Variants in ZSCAN22 observed in about 807,000 individuals in gnomAD.
The protein encoded by ZSCAN22 is zinc finger and SCAN domain-containing protein 22.
ZSCAN22 carries 7 observed loss-of-function variants against 12.4 expected under a neutral mutation model. The observed-to-expected ratio is 0.57, with a 90% CI of 0.32 to 1.06. The LOEUF (loss-of-function observed/expected upper bound fraction) is 1.06, where lower values mean the gene tolerates loss of function less well. ZSCAN22 is among the 50% of genes least tolerant of loss of function. ZSCAN22 has a pLI of 0.04. For missense variants in ZSCAN22, 576 were observed against 631.7 expected, an observed-to-expected ratio of 0.91 and a Z score of 0.94; for synonymous variants, 243 against 255.9, an observed-to-expected ratio of 0.95 and a Z score of 0.48.
chr19:58,337,106 C>T (rs2051807159), intron 2 of ZSCAN22, among the ~76,000 whole-genome samples: 2 of 152,230 alleles, frequency 1.3e-5, no homozygotes, highest in Non-Finnish European at 2.9e-5. Flanking sequence ...CCACACTCTG[C>T]CTTCATAGTA....
chr19:58,334,665 G>T, intron 1 of ZSCAN22, 87 bp from the exon 2 acceptor site: 5 of 978,738 alleles, frequency 5.1e-6, no homozygotes, highest in Non-Finnish European at 7.3e-6. Context: ...CACATCTCAC[G>T]GGCCACAAGC....
Position 58,338,861 on chromosome 19 carries a change from C to T in ZSCAN22, c.1011C>T (p.Thr337=). ...KECGKAFSRV[T]HLTQHQRIHT... is the part of the protein sequence containing the mutation. ...GTGGGAAGGCCTTCAGCCGAGTCAC[C>T]CACCTGACTCAGCACCAAAGGATTC... Residue 337 remains threonine (T), a synonymous_variant, in exon 3 of 3, where the codon ACC becomes ACT. Coordinates refer to ENST00000329665, the MANE Select transcript of ZSCAN22 (RefSeq NM_181846.3). The surrounding 1 kb of genome is among the most constrained non-coding windows in gnomAD (Gnocchi z 5.4). 1 of 1,613,260 alleles carries T rather than the reference C, an allele frequency of 6.2e-7. No homozygotes were observed. Among genetic ancestry groups the T allele is most frequent in the Non-Finnish European group, 8.5e-7 (1 of 1,179,730 alleles).
At position 58,339,314 on chromosome 19, in the gene ZSCAN22, G is replaced by C. The variant is rs761038947; in HGVS notation, c.1464G>C (p.Thr488=). 2 of 1,601,574 alleles carry C rather than the reference G, an allele frequency of 1.2e-6. No homozygotes were observed. Among genetic ancestry groups the C allele is most frequent in the Non-Finnish European group, 1.7e-6 (2 of 1,171,840 alleles). Residue 488 remains threonine, a synonymous_variant, in exon 3 of 3, where the codon ACG becomes ACC. Transcript: ENST00000329665. The surrounding 1 kb of genome is among the most constrained non-coding windows in gnomAD (Gnocchi z 5.6). ...TGGTTCACTTGCGGATCCACATCAC[G>C]GTGCTGCAATGACCGGAAGTCGCCC... ...ALMVHLRIHI[T]VLQ is the part of the protein sequence containing the mutation.
intron 2 of ZSCAN22, among the ~76,000 whole-genome samples, chr19:58,336,313 G>A (rs773240337): frequency 6.6e-6 from 1 of 152,090 alleles, no homozygotes; most frequent in African/African-American, 2.4e-5. Context: ...GGAGAAACAG[G>A]CCTCTCTGGA....
chr19:58,328,837 T>C (rs1568540416), intron 1 of ZSCAN22, among the ~76,000 whole-genome samples: 1 of 152,184 alleles, frequency 6.6e-6, no homozygotes, highest in Non-Finnish European at 1.5e-5. Flanking sequence ...TGGGTAACCA[T>C]GCTCAGCCTT....
chr19:58,330,467 G>A (rs1417610087), intron 1 of ZSCAN22, among the ~76,000 whole-genome samples: 1 of 152,124 alleles, frequency 6.6e-6, no homozygotes, highest in Non-Finnish European at 1.5e-5. Context: ...TATTCTAATT[G>A]ATTGCCCTCA....
chr19:58,339,162 T>C lies in ZSCAN22; in HGVS notation c.1312T>C (p.Cys438Arg). 1 of 1,614,072 alleles carries C rather than the reference T, an allele frequency of 6.2e-7. No individual in the cohort carries two copies. The highest frequency in any genetic ancestry group is 8.5e-7 in the Non-Finnish European group (1 of 1,180,012). ...RIHSGEKPYQCKVCPKAFAQS... is the reference protein window; with the variant it reads ...RIHSGEKPYQRKVCPKAFAQS... ...CCACTCTGGAGAGAAGCCATATCAG[T>C]GTAAGGTTTGTCCGAAGGCCTTTGC... The change falls in exon 3 of 3, where the codon TGT becomes CGT. Residue 438 changes from cysteine to arginine, a missense_variant. By Grantham distance (180) the Cys-to-Arg change is radical (BLOSUM62 -3). Coordinates refer to ENST00000329665, the MANE Select transcript of ZSCAN22 (RefSeq NM_181846.3). This position sits in a 1 kb window ranked among gnomAD's most constrained non-coding sequence, Gnocchi z 5.6.
intron 1 of ZSCAN22, among the ~76,000 whole-genome samples, chr19:58,328,390 G>T (rs914529095): frequency 3.3e-5 from 5 of 152,228 alleles, no homozygotes; most frequent in African/African-American, 1.2e-4. Context: ...TGGTCATTCA[G>T]CTGGGCTTAT....
At position 58,339,480 on chromosome 19, in the gene ZSCAN22, A is replaced by G. The variant is rs2051846036; in HGVS notation, c.*154A>G. 4.3e-6 allele frequency: 3 copies of G among 701,800 alleles called. No homozygotes were observed. Among genetic ancestry groups the G allele is most frequent in the Non-Finnish European group, 6.9e-6 (3 of 432,034 alleles). 43.5% of individuals were successfully genotyped at this position (701,800 alleles called of 1,614,324 possible). On this transcript the variant is annotated 3_prime_UTR_variant, in exon 3 of 3. Transcript: ENST00000329665. This position sits in a 1 kb window ranked among gnomAD's most constrained non-coding sequence, Gnocchi z 5.6. Reference sequence around the variant, plus strand: ...GAGGGCAGACTCGGGCTGTCTAGGAACCACTCTGCATTTGAGGAACCCTGA... The same window carrying G: ...GAGGGCAGACTCGGGCTGTCTAGGAGCCACTCTGCATTTGAGGAACCCTGA...
intron 1 of ZSCAN22, among the ~76,000 whole-genome samples, chr19:58,330,041 CA>C (rs2051703949): frequency 6.6e-6 from 1 of 152,184 alleles, no homozygotes; most frequent in Admixed American, 6.5e-5. Flanking sequence ...GTAATCCCAG[CA>C]ATTTGGGAGG....
intron 1 of ZSCAN22, among the ~76,000 whole-genome samples, chr19:58,328,877 C>T (rs1002911623): frequency 2.6e-5 from 4 of 152,156 alleles, no homozygotes; most frequent in Non-Finnish European, 5.9e-5. Flanking sequence ...TTAATGCCTG[C>T]TTATTGTGAA....
rs2051846749 is a variant in ZSCAN22, at chr19:58,339,545, G to C, written c.*219G>C. The C allele has an allele frequency of 1.8e-6, 1 of 550,894 alleles. No homozygotes were observed. The highest frequency in any genetic ancestry group is 3.2e-6 in the Non-Finnish European group (1 of 311,116). 34.1% of individuals were successfully genotyped at this position (550,894 alleles called of 1,614,324 possible). On this transcript the variant is annotated 3_prime_UTR_variant, in exon 3 of 3. Coordinates refer to ENST00000329665, the MANE Select transcript of ZSCAN22 (RefSeq NM_181846.3). The surrounding 1 kb of genome is among the most constrained non-coding windows in gnomAD (Gnocchi z 5.6). ...TTCAGGCCAGCTGGAGAAGCTTCCA[G>C]AAGGGCCCTGCACTGCTACCCTCTA...
intron 1 of ZSCAN22, among the ~76,000 whole-genome samples, chr19:58,332,023 A>G (rs1011479382): frequency 6.6e-6 from 1 of 151,426 alleles, no homozygotes; most frequent in Non-Finnish European, 1.5e-5. Flanking sequence ...ACAGGCATGC[A>G]CCACCACGCC....
rs531402837 is a variant in ZSCAN22, at chr19:58,338,576, T to G, written c.726T>G (p.Pro242=). The G allele has an allele frequency of 3.1e-6, 5 of 1,614,210 alleles. No individual in the cohort carries two copies. In the Admixed American group the frequency reaches 8.3e-5, roughly 27 times the overall value. The change falls in exon 3 of 3, where the codon CCT becomes CCG. Residue 242 remains proline, a synonymous_variant. Coordinates refer to ENST00000329665, the MANE Select transcript of ZSCAN22 (RefSeq NM_181846.3). This position sits in a 1 kb window ranked among gnomAD's most constrained non-coding sequence, Gnocchi z 5.4. The part of the protein sequence containing the change: ...AWPNLTSQEK[P]PSEDKFDLVD... ...CAAACCTCACCTCCCAAGAGAAGCCTCCTTCAGAAGACAAATTTGATCTGG... is the reference window on the plus strand; with the variant it reads ...CAAACCTCACCTCCCAAGAGAAGCCGCCTTCAGAAGACAAATTTGATCTGG...
rs1268819933 is a variant in ZSCAN22, at chr19:58,330,000, T to TACATGCGGCCAGG, written c.-52+2887_-52+2899dup. Among the ~76,000 whole-genome samples, 9 of 152,306 alleles carry TACATGCGGCCAGG rather than the reference T, an allele frequency of 5.9e-5. No homozygotes were observed. The highest frequency in any genetic ancestry group is 5.2e-4 in the Admixed American group (8 of 15,290). ...GTTTCTTAAAAAGTTAAGCATTGCC[T>TACATGCGGCCAGG]ACATGCGGCCAGGCGCAGTGGCTCA... On this transcript the variant is annotated intron_variant, in intron 1 of 2. Coordinates refer to ENST00000329665, the MANE Select transcript of ZSCAN22 (RefSeq NM_181846.3). This position sits in a 1 kb window ranked among gnomAD's most constrained non-coding sequence, Gnocchi z 4.1.
At chr19:58,331,563 A>ATTATTT (rs2051727046) in intron 1 of ZSCAN22, among the ~76,000 whole-genome samples, 1 of 126,062 alleles carries the variant, frequency 7.9e-6, no homozygotes, top group Non-Finnish European at 1.6e-5. Context: ...TATTATTATT[A>ATTATTT]TTTTGAGATG....
rs1283771814 is a variant in ZSCAN22, at chr19:58,335,627, G to A, written c.403+422G>A. On this transcript the variant is annotated intron_variant, in intron 2 of 2. Transcript: ENST00000329665. This position sits in a 1 kb window ranked among gnomAD's most constrained non-coding sequence, Gnocchi z 4.1. ...GGGGTAATAACAATAAGAGGTCCCT[G>A]GTCTGAGCCCCCACTGGCCTGGTTG... Among the ~76,000 whole-genome samples the A allele has an allele frequency of 6.6e-6, 1 of 152,208 alleles. No individual in the cohort carries two copies. The highest frequency in any genetic ancestry group is 2.4e-5 in the African/African-American group (1 of 41,432).
rs1213220624 is a variant in ZSCAN22, at chr19:58,329,085, C to T, written c.-52+1971C>T. On this transcript the variant is annotated intron_variant, in intron 1 of 2. Coordinates refer to ENST00000329665, the MANE Select transcript of ZSCAN22 (RefSeq NM_181846.3). This position sits in a 1 kb window ranked among gnomAD's most constrained non-coding sequence, Gnocchi z 4.1. ...AGAGCCCAGAGGAATCCGTCAGAGA[C>T]GGATTTCAGAACTCGAGAGCAGCAG... 1.3e-5 allele frequency among the ~76,000 whole-genome samples: 2 copies of T among 152,060 alleles called. No homozygotes were observed. The highest frequency in any genetic ancestry group is 2.9e-5 in the Non-Finnish European group (2 of 68,002).
At position 58,329,891 on chromosome 19, in the gene ZSCAN22, G is replaced by C. The variant is rs1033193748; in HGVS notation, c.-52+2777G>C. Among the ~76,000 whole-genome samples, 6 of 152,282 alleles carry C rather than the reference G, an allele frequency of 3.9e-5. No individual in the cohort carries two copies. The East Asian group carries it at 1.2e-3, about 29-fold the overall frequency. On this transcript the variant is annotated intron_variant, in intron 1 of 2. Transcript: ENST00000329665. The surrounding 1 kb of genome is among the most constrained non-coding windows in gnomAD (Gnocchi z 4.1). ...AACTACCATAGTATAAAATACCTTG[G>C]TAAGGATGTAGAGAAATTGGAACCC...
Sources: allele counts gnomAD v4.1 joint callset (sites outside exome capture counted in the v4.1 genomes callset), GRCh38; gene constraint gnomAD v4.1.1; non-coding constraint Gnocchi (gnomAD v3.1); transcripts MANE v1.5; gene names NCBI Gene and HGNC (gene_info 2026-07-23, HGNC 2026-07-21).